The following FAM217A variants were observed in gnomAD, a reference collection of about 807,000 sequenced individuals.
FAM217A encodes the protein family with sequence similarity 217 member A, also known as protein FAM217A.
FAM217A carries 13 observed loss-of-function variants against 18.5 expected under a neutral mutation model. The ratio of observed to expected loss-of-function variants is 0.70; its 90% confidence interval spans 0.46 to 1.12. The LOEUF (loss-of-function observed/expected upper bound fraction) is 1.12, where lower values mean the gene tolerates loss of function less well. FAM217A is among the 50% of genes most tolerant of loss of function. The pLI is 0.00. For missense variants in FAM217A, 560 were observed against 575.4 expected, an observed-to-expected ratio of 0.97 and a Z score of 0.27; for synonymous variants, 161 against 202.8, an observed-to-expected ratio of 0.79 and a Z score of 1.75.
At position 4,069,004 on chromosome 6, in the gene FAM217A, T is replaced by A. The variant is rs1769209072; in HGVS notation, c.1219A>T (p.Ile407Phe). 6.2e-7 allele frequency: 1 copy of A among 1,613,830 alleles called. No individual in the cohort carries two copies. Among genetic ancestry groups the A allele is most frequent in the South Asian group, 1.1e-5 (1 of 90,940 alleles). ...ETYDKNPKSS[I>F]LSPCQELSFK... ...GAGAGTTCTTGGCATGGACTTAAAA[T>A]AGAACTTTTGGGATTCTTATCATAA... Residue 407 changes from isoleucine (I) to phenylalanine (F), a missense_variant, in exon 7 of 7, where the codon ATT (isoleucine) becomes TTT (phenylalanine). Physicochemically the swap from Ile to Phe is conservative, Grantham distance 21. Coordinates refer to ENST00000274673, the MANE Select transcript of FAM217A (RefSeq NM_173563.3).
chr6:4,082,272 T>C (rs1012152392), upstream of FAM217A, among the ~76,000 whole-genome samples: 2 of 152,120 alleles, frequency 1.3e-5, no homozygotes, highest in Non-Finnish European at 2.9e-5. Context: ...CAGCTCAACA[T>C]CAATCCCAAG....
exon 2 of FAM217A, chr6:4,084,639 T>G (rs910663480): frequency 1.4e-6 from 1 of 702,916 alleles, no homozygotes; most frequent in Admixed American, 2.0e-5. Context: ...CCCTCCCACC[T>G]CATTTGTTGT....
At chr6:4,082,543 G>C (rs1770370036), upstream of FAM217A, among the ~76,000 whole-genome samples, 1 of 152,104 alleles carries the variant, frequency 6.6e-6, no homozygotes, top group Admixed American at 6.6e-5. Flanking sequence ...TTGCCTTTCT[G>C]TGTAAAAACT....
chr6:4,080,543 C>G (rs1198329052), upstream of FAM217A, among the ~76,000 whole-genome samples: 1 of 150,208 alleles, frequency 6.7e-6, no homozygotes, highest in East Asian at 2.0e-4. Context: ...TCATTCCTTG[C>G]AGCCTCCTTG....
At chr6:4,078,375 G>T (rs539830442) in intron 1 of FAM217A, among the ~76,000 whole-genome samples, 8 of 152,238 alleles carry the variant, frequency 5.3e-5, no homozygotes, top group African/African-American at 1.9e-4. Flanking sequence ...TAAAGCCACC[G>T]CAGTAATCGG....
intron 6 of FAM217A, among the ~76,000 whole-genome samples, chr6:4,072,303 G>T (rs1769475985): frequency 6.6e-6 from 1 of 152,072 alleles, no homozygotes. Context: ...TCGTGCCATT[G>T]CACTCCAGCA....
At chr6:4,078,116 C>T (rs1326732686) in intron 1 of FAM217A, among the ~76,000 whole-genome samples, 2 of 145,952 alleles carry the variant, frequency 1.4e-5, no homozygotes, top group Non-Finnish European at 3.0e-5. Flanking sequence ...TGCAGTGGCG[C>T]GATCTCGGTT....
Position 4,069,763 on chromosome 6 carries a change from C to T in FAM217A, c.460G>A (p.Ala154Thr), listed in dbSNP as rs1341844494. 5.6e-6 allele frequency: 9 copies of T among 1,614,134 alleles called. No individual in the cohort carries two copies. Among genetic ancestry groups the T allele is most frequent in the East Asian group, 2.2e-5 (1 of 44,882 alleles). Residue 154 changes from alanine to threonine, a missense_variant, in exon 7 of 7, where the codon GCT (alanine) becomes ACT (threonine). Transcript: ENST00000274673. Reference protein sequence around the residue: ...PMPLGLCWPYADGDFFKNRNE... With the variant: ...PMPLGLCWPYTDGDFFKNRNE... ...CTGTTCTTAAAAAAGTCTCCATCAG[C>T]ATAGGGCCAGCAGAGACCTAATGGC...
intron 6 of FAM217A, among the ~76,000 whole-genome samples, chr6:4,072,143 C>G (rs1769460163): frequency 1.3e-5 from 2 of 151,540 alleles, no homozygotes; most frequent in South Asian, 4.2e-4. Context: ...GAGTTCAAGA[C>G]CAGCCTGGCC....
Position 4,069,809 on chromosome 6 carries a change from A to C in FAM217A, c.414T>G (p.Gly138=), listed in dbSNP as rs1198330119. 6.2e-7 allele frequency: 1 copy of C among 1,614,220 alleles called. No individual in the cohort carries two copies. Among genetic ancestry groups the C allele is most frequent in the Admixed American group, 1.7e-5 (1 of 60,024 alleles). Residue 138 remains glycine, a synonymous_variant, in exon 7 of 7, where the codon GGT becomes GGG. Coordinates refer to ENST00000274673, the MANE Select transcript of FAM217A (RefSeq NM_173563.3). ...LTIASVDKQV[G]PYPGLPMPLG... is the part of the protein sequence containing the mutation. ...ATGGCATTGGCAGTCCAGGGTAAGGACCAACTTGCTTATCAACTGAAGCAA... is the reference window on the plus strand; with the variant it reads ...ATGGCATTGGCAGTCCAGGGTAAGGCCCAACTTGCTTATCAACTGAAGCAA...
In FAM217A at chr6:4,068,682, A is replaced by T; in HGVS notation, c.*14T>A. 1 of 1,576,356 alleles carries T rather than the reference A, an allele frequency of 6.3e-7. No individual in the cohort carries two copies. The highest frequency in any genetic ancestry group is 8.6e-7 in the Non-Finnish European group (1 of 1,165,484). ...AGTAGATGTGTTCACATTGAGATGT[A>T]TGAAAGAAAAGAGTTATTTTTGTTC... On this transcript the variant is annotated 3_prime_UTR_variant, in exon 7 of 7. Coordinates refer to ENST00000274673, the MANE Select transcript of FAM217A (RefSeq NM_173563.3).
chr6:4,081,751 T>C (rs1164272103), upstream of FAM217A, among the ~76,000 whole-genome samples: 3 of 152,242 alleles, frequency 2.0e-5, no homozygotes, highest in Non-Finnish European at 2.9e-5. Flanking sequence ...TTTCTACAAA[T>C]GTATATCTAG....
chr6:4,069,492 T>C lies in FAM217A; in HGVS notation c.731A>G (p.Glu244Gly), dbSNP rs1356303427. The C allele has an allele frequency of 6.2e-7, 1 of 1,614,180 alleles. No individual in the cohort carries two copies. Among genetic ancestry groups the C allele is most frequent in the South Asian group, 1.1e-5 (1 of 91,074 alleles). The change falls in exon 7 of 7, where the codon GAA becomes GGA. Residue 244 changes from glutamate to glycine, a missense_variant. By Grantham distance (98) the Glu-to-Gly change is moderately conservative (BLOSUM62 -2). Transcript: ENST00000274673. ...GAGAAAATCAGGATATGGAAATACTTCATTTGGCTCCTCGGTGAAAGGTTC... is the reference window on the plus strand; with the variant it reads ...GAGAAAATCAGGATATGGAAATACTCCATTTGGCTCCTCGGTGAAAGGTTC... ...VEEPFTEEPN[E>G]VFPYPDFLPP... is the part of the protein sequence containing the mutation.
At chr6:4,073,960 C>T (rs967864052) in intron 4 of FAM217A, among the ~76,000 whole-genome samples, 1 of 152,164 alleles carries the variant, frequency 6.6e-6, no homozygotes, top group Non-Finnish European at 1.5e-5. Context: ...GATTCTCCTG[C>T]TGAGCTCAGC....
In FAM217A at chr6:4,074,655, A is replaced by G; in HGVS notation, c.67T>C (p.Ser23Pro). Reference sequence around the variant, plus strand: ...ACTTCTGAATCCAAATTCCAGTGAGATAAGTTCTAAAACAATATTTGTTTT... The same window carrying G: ...ACTTCTGAATCCAAATTCCAGTGAGGTAAGTTCTAAAACAATATTTGTTTT... ...RVSNISQENL[S>P]HWNLDSEVPV... The change falls in exon 3 of 7, where the codon TCT becomes CCT. Residue 23 changes from serine (S) to proline (P), a missense_variant. Transcript: ENST00000274673. 4.4e-6 allele frequency: 7 copies of G among 1,605,934 alleles called. No homozygotes were observed. The highest frequency in any genetic ancestry group is 6.0e-6 in the Non-Finnish European group (7 of 1,172,828).
At chr6:4,080,328 CT>C (rs1770205582), upstream of FAM217A, among the ~76,000 whole-genome samples, 1 of 152,156 alleles carries the variant, frequency 6.6e-6, no homozygotes, top group African/African-American at 2.4e-5. Flanking sequence ...CTTCTTTGTA[CT>C]CCTCATAATC....
chr6:4,080,618 G>GACCT (rs1770225467), upstream of FAM217A, among the ~76,000 whole-genome samples: 1 of 152,096 alleles, frequency 6.6e-6, no homozygotes, highest in South Asian at 2.1e-4. Flanking sequence ...CTAAAATACA[G>GACCT]ACCTGCTCAA....
intron 6 of FAM217A, 77 bp from the exon 7 acceptor site, chr6:4,069,997 C>G: frequency 9.4e-7 from 1 of 1,065,564 alleles, no homozygotes; most frequent in Non-Finnish European, 1.3e-6. Context: ...AGTTAAGTAC[C>G]CTTTATCAAA....
At chr6:4,081,790 AATT>A (rs1301171482), upstream of FAM217A, among the ~76,000 whole-genome samples, 1 of 152,222 alleles carries the variant, frequency 6.6e-6, no homozygotes, top group Non-Finnish European at 1.5e-5. Flanking sequence ...TCTTGAGACA[AATT>A]ATGTGTGCTT....
Sources: allele counts gnomAD v4.1 joint callset (sites outside exome capture counted in the v4.1 genomes callset), GRCh38; gene constraint gnomAD v4.1.1; transcripts MANE v1.5; gene names NCBI Gene and HGNC (gene_info 2026-07-23, HGNC 2026-07-21).